The following FBXW7 variants were observed in gnomAD, a reference collection of about 807,000 sequenced individuals.
The protein encoded by FBXW7 is F-box/WD repeat-containing protein 7.
FBXW7 carries 11 observed loss-of-function variants against 86.3 expected under a neutral mutation model. The observed-to-expected ratio is 0.13, with a 90% CI of 0.08 to 0.21. The LOEUF (loss-of-function observed/expected upper bound fraction) is 0.21. Among genes scored for constraint, FBXW7 ranks in the 10% least tolerant of loss-of-function variants. The probability of loss-of-function intolerance (pLI) is 1.00; values close to 1 mark genes in which losing one functional copy is unlikely to be tolerated. For synonymous variants in FBXW7, 313 were observed against 297.9 expected (o/e 1.05, Z -0.52); for missense variants, 488 against 847.4 (o/e 0.58, Z 5.27).
chr4:152,394,459 T>C (rs1235721309), intron 4 of FBXW7, among the ~76,000 whole-genome samples: 1 of 152,072 alleles, frequency 6.6e-6, no homozygotes, highest in African/African-American at 2.4e-5. Flanking sequence ...AAAATATCTG[T>C]CGGGGATCAA....
At chr4:152,404,204 G>C (rs929466872) in intron 4 of FBXW7, among the ~76,000 whole-genome samples, 1 of 152,092 alleles carries the variant, frequency 6.6e-6, no homozygotes, top group Non-Finnish European at 1.5e-5. Context: ...TTTCCTGTGA[G>C]GAACATCTTT....
At chr4:152,328,514 T>C in intron 10 of FBXW7, 125 bp from the exon 11 acceptor site, 1 of 578,254 alleles carries the variant, frequency 1.7e-6, no homozygotes, top group Non-Finnish European at 2.9e-6. Flanking sequence ...TCAGAAAATA[T>C]TACATCCGTA....
At chr4:152,461,434 T>C (rs930049858) in intron 2 of FBXW7, among the ~76,000 whole-genome samples, 1 of 152,198 alleles carries the variant, frequency 6.6e-6, no homozygotes, top group African/African-American at 2.4e-5. Context: ...ACTGTAAATT[T>C]TATTATGTTT....
intron 4 of FBXW7, chr4:152,382,139 G>A: frequency 7.3e-7 from 1 of 1,366,894 alleles, no homozygotes; most frequent in Non-Finnish European, 9.9e-7. Context: ...AAGAGGCCAA[G>A]GTACTTCACT....
rs768240584 is a variant in FBXW7 at position 152,352,520 on chromosome 4, T to C, written c.502-2396A>G. The C allele has an allele frequency of 3.9e-5, 63 of 1,613,830 alleles. No individual in the cohort carries two copies. The South Asian group carries it at 5.4e-4, about 14-fold the overall frequency. ...CCGTAGAAACCCATATTTTCTGTAT[T>C]TTTCCCCTTCAGTGATTCTGTGCCC... On this transcript the variant is annotated intron_variant, in intron 4 of 13. Transcript: ENST00000281708.
chr4:152,344,683 T>G (rs948921370), intron 6 of FBXW7, among the ~76,000 whole-genome samples: 4 of 152,136 alleles, frequency 2.6e-5, no homozygotes, highest in Admixed American at 2.6e-4. Context: ...CGGTGTACAA[T>G]GAACTCTCTA....
chr4:152,332,741 T>G, intron 7 of FBXW7, 22 bp from the exon 8 acceptor site: 2 of 1,284,866 alleles, frequency 1.6e-6, no homozygotes, highest in Non-Finnish European at 2.0e-6. Context: ...ATGCATAGTA[T>G]AATACCCATA....
chr4:152,414,469 T>C (rs546025074), intron 2 of FBXW7, among the ~76,000 whole-genome samples: 107 of 152,166 alleles, frequency 7.0e-4, no homozygotes, highest in Middle Eastern at 3.4e-3. Flanking sequence ...CTCTGCACAG[T>C]ATATGTCCAC....
intron 4 of FBXW7, among the ~76,000 whole-genome samples, chr4:152,375,490 A>G (rs990203738): frequency 1.3e-5 from 2 of 152,132 alleles, no homozygotes; most frequent in African/African-American, 4.8e-5. Context: ...AATATAGGTG[A>G]CAAGTCTATG....
intron 6 of FBXW7, among the ~76,000 whole-genome samples, chr4:152,340,244 T>C (rs1204415593): frequency 1.3e-5 from 2 of 152,152 alleles, no homozygotes; most frequent in Non-Finnish European, 2.9e-5. Flanking sequence ...ATTATCTATA[T>C]ACTCAGCAGA....
intron 2 of FBXW7, among the ~76,000 whole-genome samples, chr4:152,432,491 T>C (rs1194518161): frequency 6.6e-6 from 1 of 152,180 alleles, no homozygotes; most frequent in Non-Finnish European, 1.5e-5. Context: ...TATATCTATA[T>C]ATACAACACC....
intron 2 of FBXW7, among the ~76,000 whole-genome samples, chr4:152,504,181 A>G (rs994998546): frequency 1.3e-5 from 2 of 152,306 alleles, no homozygotes; most frequent in African/African-American, 4.8e-5. Flanking sequence ...TTTATTTATG[A>G]CCAGGCTAAC....
intron 2 of FBXW7, among the ~76,000 whole-genome samples, chr4:152,530,067 A>AT (rs1749876717): frequency 7.9e-6 from 1 of 127,324 alleles, no homozygotes; most frequent in Non-Finnish European, 1.6e-5. Context: ...AAAAAAAAAA[A>AT]AATACACACA....
At chr4:152,346,375 T>G (rs1731265690) in intron 6 of FBXW7, among the ~76,000 whole-genome samples, 1 of 151,858 alleles carries the variant, frequency 6.6e-6, no homozygotes, top group Non-Finnish European at 1.5e-5. Context: ...ACCCAGAAAT[T>G]CAAACAAAGG....
chr4:152,505,031 G>A (rs1747283978), intron 2 of FBXW7, among the ~76,000 whole-genome samples: 8 of 152,168 alleles, frequency 5.3e-5, no homozygotes, highest in Admixed American at 5.2e-4. Context: ...ATATTACACA[G>A]TGCTTTTACA....
At chr4:152,518,152 CTAATTTT>C (rs978002616) in intron 2 of FBXW7, among the ~76,000 whole-genome samples, 2 of 152,130 alleles carry the variant, frequency 1.3e-5, no homozygotes, top group Admixed American at 6.5e-5. Flanking sequence ...CCACACCCAG[CTAATTTT>C]TCTATTTTTA....
At chr4:152,427,878 T>A (rs753935169) in intron 2 of FBXW7, among the ~76,000 whole-genome samples, 52 of 152,284 alleles carry the variant, frequency 3.4e-4, no homozygotes, top group Non-Finnish European at 6.9e-4. Flanking sequence ...AAAAAAGCCA[T>A]TAACTTCTTA....
chr4:152,356,140 G>A (rs908440672), intron 4 of FBXW7, among the ~76,000 whole-genome samples: 3 of 151,984 alleles, frequency 2.0e-5, no homozygotes, highest in Non-Finnish European at 2.9e-5. Context: ...TTCTATTACT[G>A]CAGTTATCAT....
chr4:152,338,060 T>A, intron 6 of FBXW7, 124 bp from the exon 7 acceptor site: 1 of 805,580 alleles, frequency 1.2e-6, no homozygotes, highest in East Asian at 3.2e-5. Context: ...AAAAAGTGGC[T>A]CCTTATAGTG....
Sources: gnomAD v4.1 joint callset for allele counts (sites outside exome capture counted in the v4.1 genomes callset) on GRCh38, gnomAD v4.1.1 for gene constraint, MANE v1.5 for transcripts, NCBI Gene and HGNC (gene_info 2026-07-23, HGNC 2026-07-21) for gene names.